The following GAREM1 variants were observed in gnomAD, a reference collection of about 807,000 sequenced individuals.
GAREM1 encodes GRB2-associated and regulator of MAPK protein 1.
A neutral mutation model predicts 71.3 loss-of-function variants in GAREM1; 26 were observed. The observed-to-expected ratio is 0.36, with a 90% CI of 0.27 to 0.51. The LOEUF (loss-of-function observed/expected upper bound fraction) is 0.51. Ranked by LOEUF, GAREM1 falls within the 20% of genes least tolerant of loss-of-function variation. GAREM1 has a pLI of 0.95. For missense variants in GAREM1, 1,026 were observed against 1,103.1 expected, an observed-to-expected ratio of 0.93 and a Z score of 0.99; for synonymous variants, 440 against 433.2, an observed-to-expected ratio of 1.02 and a Z score of -0.20.
At chr18:32,417,071 A>T (rs972131524) in intron 1 of GAREM1, among the ~76,000 whole-genome samples, 1 of 152,204 alleles carries the variant, frequency 6.6e-6, no homozygotes, top group Non-Finnish European at 1.5e-5. Context: ...ATTTGAATGG[A>T]CATTTCTCAG....
At chr18:32,457,220 AGAGAG>A (rs1341980518) in intron 1 of GAREM1, among the ~76,000 whole-genome samples, 1,194 of 109,382 alleles carry the variant, frequency 0.011, 30 homozygotes, top group African/African-American at 0.04. Flanking sequence ...AGAGAGAGAG[AGAGAG>A]AGTGTGTGTG....
intron 2 of GAREM1, among the ~76,000 whole-genome samples, chr18:32,351,183 G>T (rs10502590): frequency 0.098 from 14,912 of 152,070 alleles, 1,361 homozygotes; most frequent in African/African-American, 0.24. Context: ...TCATTCAATT[G>T]CGTTAAAACT....
intron 2 of GAREM1, among the ~76,000 whole-genome samples, chr18:32,316,426 T>G (rs2144530041): frequency 6.6e-6 from 1 of 152,312 alleles, no homozygotes; most frequent in African/African-American, 2.4e-5. Flanking sequence ...TCTTGTGATG[T>G]TAAATTATTG....
At chr18:32,400,467 A>C (rs1341691214) in intron 1 of GAREM1, among the ~76,000 whole-genome samples, 22 of 152,226 alleles carry the variant, frequency 1.4e-4, no homozygotes, top group Admixed American at 1.4e-3. Flanking sequence ...GAACTCAAAC[A>C]AATTTACAAG....
chr18:32,423,039 A>G (rs1460703847), intron 1 of GAREM1, among the ~76,000 whole-genome samples: 4 of 152,344 alleles, frequency 2.6e-5, no homozygotes, highest in African/African-American at 9.6e-5. Context: ...TCATATGAGC[A>G]CATAAACATT....
chr18:32,314,901 A>T (rs759330384), intron 2 of GAREM1, among the ~76,000 whole-genome samples: 3 of 152,128 alleles, frequency 2.0e-5, no homozygotes, highest in Non-Finnish European at 4.4e-5. Flanking sequence ...TTTTTGATTA[A>T]GAAATTATAG....
chr18:32,468,746 G>T (rs114425998), intron 1 of GAREM1, among the ~76,000 whole-genome samples: 1 of 152,094 alleles, frequency 6.6e-6, no homozygotes, highest in Non-Finnish European at 1.5e-5. Context: ...AATGCTCTCT[G>T]CCTAGCTAGC....
intron 1 of GAREM1, among the ~76,000 whole-genome samples, chr18:32,428,501 T>G (rs1379572392): frequency 6.6e-6 from 1 of 152,054 alleles, no homozygotes; most frequent in Non-Finnish European, 1.5e-5. Flanking sequence ...GTGTAGCACC[T>G]CTCCCCTCTC....
chr18:32,399,978 T>C (rs950816931), intron 1 of GAREM1, among the ~76,000 whole-genome samples: 2 of 152,080 alleles, frequency 1.3e-5, no homozygotes, highest in Non-Finnish European at 2.9e-5. Context: ...AACAGAGATA[T>C]AGACCAATGG....
At chr18:32,416,567 C>T (rs1294407051) in intron 1 of GAREM1, among the ~76,000 whole-genome samples, 2 of 152,084 alleles carry the variant, frequency 1.3e-5, no homozygotes, top group Admixed American at 6.6e-5. Flanking sequence ...GAATCAAATC[C>T]ACACACCTAC....
chr18:32,342,700 C>A (rs941425456), intron 2 of GAREM1, among the ~76,000 whole-genome samples: 1 of 152,186 alleles, frequency 6.6e-6, no homozygotes, highest in Non-Finnish European at 1.5e-5. Flanking sequence ...GAATCCCCAA[C>A]CCCTTATACA....
intron 1 of GAREM1, among the ~76,000 whole-genome samples, chr18:32,411,009 G>T (rs2048410939): frequency 6.6e-6 from 1 of 152,048 alleles, no homozygotes; most frequent in Non-Finnish European, 1.5e-5. Flanking sequence ...CACAACATTG[G>T]CCAGGCTGGT....
chr18:32,407,954 C>T (rs148736014), intron 1 of GAREM1, among the ~76,000 whole-genome samples: 40 of 151,562 alleles, frequency 2.6e-4, no homozygotes, highest in African/African-American at 9.7e-4. Flanking sequence ...ACTTTCAACA[C>T]ACAAAACTAG....
Position 32,323,005 on chromosome 18 carries a change from T to A in GAREM1, c.263-12682A>T, listed in dbSNP as rs144049401. On this transcript the variant is annotated intron_variant, in intron 2 of 5. Transcript: ENST00000269209. ...CAGGAGAAATATATATTTTTGGGAG[T>A]CTCAAACTCAAATACTTATGAGACC... Among the ~76,000 whole-genome samples the A allele has an allele frequency of 1.5e-4, 23 of 152,186 alleles. No individual in the cohort carries two copies. The East Asian group carries it at 4.4e-3, about 29-fold the overall frequency.
chr18:32,278,196 A>G (rs868138219), intron 4 of GAREM1, among the ~76,000 whole-genome samples: 1 of 152,224 alleles, frequency 6.6e-6, no homozygotes, highest in South Asian at 2.1e-4. Flanking sequence ...TGGGAAAAAA[A>G]TCAATTTCAG....
intron 2 of GAREM1, among the ~76,000 whole-genome samples, chr18:32,360,572 G>A (rs1218079466): frequency 6.6e-6 from 1 of 151,872 alleles, no homozygotes; most frequent in East Asian, 1.9e-4. Context: ...TGGGGGGGTG[G>A]GGAGCATTTT....
intron 3 of GAREM1, among the ~76,000 whole-genome samples, chr18:32,297,984 A>G (rs1281172097): frequency 6.6e-6 from 1 of 152,232 alleles, no homozygotes; most frequent in East Asian, 1.9e-4. Flanking sequence ...GAAGTACTGC[A>G]CAGGAAATGA....
chr18:32,287,083 T>C lies in GAREM1; in HGVS notation c.1514A>G (p.Lys505Arg). ...PIPGTLGAAVKSSDTALPPPP... is the reference protein window; with the variant it reads ...PIPGTLGAAVRSSDTALPPPP... ...TGGAGGTAGGGCAGTATCTGAAGAC[T>C]TCACTGCTGCTCCCAGAGTCCCAGG... The change falls in exon 4 of 6, where the codon AAG becomes AGG. Residue 505 changes from lysine (K) to arginine (R), a missense_variant. This residue lies in a region of GAREM1 where 636 missense variants were observed against 631.2 expected (regional missense o/e 1.01). Transcript: ENST00000269209. The surrounding 1 kb of genome is among the most constrained non-coding windows in gnomAD (Gnocchi z 5.9). 1 of 1,614,186 alleles carries C rather than the reference T, an allele frequency of 6.2e-7. No individual in the cohort carries two copies. Among genetic ancestry groups the C allele is most frequent in the Non-Finnish European group, 8.5e-7 (1 of 1,180,018 alleles).
At chr18:32,362,506 T>C (rs538348126) in intron 2 of GAREM1, among the ~76,000 whole-genome samples, 41 of 152,366 alleles carry the variant, frequency 2.7e-4, no homozygotes, top group Middle Eastern at 3.4e-3. Context: ...GTTTTCTATA[T>C]ATCAGTTTTA....
Sources: allele counts gnomAD v4.1 joint callset (sites outside exome capture counted in the v4.1 genomes callset), GRCh38; gene constraint gnomAD v4.1.1; regional missense constraint gnomAD v4.1.1; non-coding constraint Gnocchi (gnomAD v3.1); transcripts MANE v1.5; gene names NCBI Gene and HGNC (gene_info 2026-07-23, HGNC 2026-07-21).